The following ANKRD37 variants were observed in gnomAD, a reference collection of about 807,000 sequenced individuals.
The protein encoded by ANKRD37 is ankyrin repeat domain-containing protein 37.
Under a neutral mutation model 19.7 loss-of-function variants are expected in ANKRD37, and 17 were observed. That is an observed-to-expected ratio of 0.86 (90% CI 0.59 to 1.29). The LOEUF is 1.29. Ranked by LOEUF, ANKRD37 falls within the 50% of genes most tolerant of loss-of-function variation. The probability of loss-of-function intolerance (pLI) is 0.00; values close to 1 mark genes in which losing one functional copy is unlikely to be tolerated. For synonymous variants in ANKRD37, 79 were observed against 74.5 expected (o/e 1.06, Z -0.31); for missense variants, 207 against 190.4 (o/e 1.09, Z -0.51).
downstream of ANKRD37, chr4:185,400,517 G>GT: frequency 6.7e-7 from 1 of 1,488,204 alleles, no homozygotes; most frequent in African/African-American, 1.4e-5. Context: ...CTTTTACAAA[G>GT]TTACAAGATT....
At position 185,397,249 on chromosome 4, in the gene ANKRD37, C is replaced by A; in HGVS notation, c.127C>A (p.Leu43Ile). The stretch of plus-strand genomic sequence containing the variant: ...TGTCCACTTAGCCGCAGGAAGCGGC[C>A]TTGCTTGCTTTCTTCTCTGGCAGCT... Reference protein sequence around the residue: ...SPVHLAAGSGLACFLLWQLQT... With the variant: ...SPVHLAAGSGIACFLLWQLQT... The change falls in exon 2 of 5, where the codon CTT becomes ATT. Residue 43 changes from leucine to isoleucine, a missense_variant. Leu to Ile is a conservative substitution (Grantham distance 5). Transcript: ENST00000335174. 6.2e-7 allele frequency: 1 copy of A among 1,614,150 alleles called. No homozygotes were observed. Among genetic ancestry groups the A allele is most frequent in the Non-Finnish European group, 8.5e-7 (1 of 1,180,040 alleles).
At chr4:185,397,047 G>C (rs548345746) in intron 1 of ANKRD37, 97 bp downstream of exon 1, 35 of 1,610,132 alleles carry the variant, frequency 2.2e-5, no homozygotes, top group South Asian at 6.6e-5. Flanking sequence ...ACTGGGCGCT[G>C]CCTGGTCAGA....
chr4:185,399,668 C>T lies in ANKRD37; in HGVS notation c.371C>T (p.Thr124Ile). Residue 124 changes from threonine (T) to isoleucine (I), a missense_variant, in exon 4 of 5, where the codon ACA becomes ATA. Physicochemically the swap from Thr to Ile is moderately conservative, Grantham distance 89. Coordinates refer to ENST00000335174, the MANE Select transcript of ANKRD37 (RefSeq NM_181726.4). ...KFLTTIKCMQ[T>I]IKASEHPDRN... ...CTTACAACAATTAAATGTATGCAGA[C>T]AATAAAAGCAAGTGAACACCCTGAC... 6.2e-7 allele frequency: 1 copy of T among 1,614,096 alleles called. No homozygotes were observed.
intron 1 of ANKRD37, 81 bp downstream of exon 1, chr4:185,397,031 C>G: frequency 1.2e-6 from 2 of 1,609,312 alleles, no homozygotes; most frequent in Non-Finnish European, 1.7e-6. Context: ...AATGCGGGGA[C>G]GGACCACTGG....
intron 2 of ANKRD37, among the ~76,000 whole-genome samples, chr4:185,398,262 A>G (rs773675688): frequency 3.9e-5 from 6 of 152,228 alleles, no homozygotes; most frequent in Admixed American, 6.5e-5. Flanking sequence ...CCAGCCACAC[A>G]TTTTTATTAA....
In ANKRD37 at chr4:185,399,586, G is replaced by C; in HGVS notation, c.289G>C (p.Gly97Arg). The change falls in exon 4 of 5, where the codon GGG (glycine) becomes CGG (arginine). Residue 97 changes from glycine (G) to arginine (R), a missense_variant. Coordinates refer to ENST00000335174, the MANE Select transcript of ANKRD37 (RefSeq NM_181726.4). ...TGTTTTCAGTTTATGTAATAAGAACGGGCAAACAGCTGAAGATCTCGCTTG... is the reference window on the plus strand; with the variant it reads ...TGTTTTCAGTTTATGTAATAAGAACCGGCAAACAGCTGAAGATCTCGCTTG... ...DAQIDLCNKN[G>R]QTAEDLAWSC... 1 of 1,614,070 alleles carries C rather than the reference G, an allele frequency of 6.2e-7. No homozygotes were observed. Among genetic ancestry groups the C allele is most frequent in the Non-Finnish European group, 8.5e-7 (1 of 1,180,000 alleles).
intron 2 of ANKRD37, among the ~76,000 whole-genome samples, chr4:185,397,980 G>A (rs900695884): frequency 6.6e-6 from 1 of 152,132 alleles, no homozygotes; most frequent in Non-Finnish European, 1.5e-5. Context: ...TATTTGAGAC[G>A]GAGTTTTGCT....
Position 185,399,618 on chromosome 4 carries a change from T to A in ANKRD37, c.321T>A (p.Cys107Ter). The A allele has an allele frequency of 6.2e-7, 1 of 1,614,218 alleles. No homozygotes were observed. Among genetic ancestry groups the A allele is most frequent in the Non-Finnish European group, 8.5e-7 (1 of 1,180,028 alleles). The stretch of plus-strand genomic sequence containing the variant: ...CAGCTGAAGATCTCGCTTGGTCATG[T>A]GGATTTCCAGACTGTGCCAAGTTTC... ...GQTAEDLAWSCGFPDCAKFLT... is the reference protein window; with the variant it reads ...GQTAEDLAWS Residue 107 changes from cysteine (C) to a stop codon, truncating the protein, a stop_gained, in exon 4 of 5, where the codon TGT becomes TGA. Transcript: ENST00000335174. LOFTEE classifies it high-confidence loss of function.
intron 2 of ANKRD37, among the ~76,000 whole-genome samples, chr4:185,398,397 T>C (rs987423067): frequency 2.0e-5 from 3 of 152,226 alleles, no homozygotes; most frequent in African/African-American, 7.2e-5. Flanking sequence ...GGAGGAGATT[T>C]TTAGAAGGTT....
At chr4:185,399,950 G>T in intron 4 of ANKRD37, 67 bp from the exon 5 acceptor site, 1 of 1,575,108 alleles carries the variant, frequency 6.3e-7, no homozygotes, top group Non-Finnish European at 8.6e-7. Flanking sequence ...GGACTGCATG[G>T]TGGAAGTTTG....
At position 185,399,757 on chromosome 4, in the gene ANKRD37, G is replaced by A. The variant is rs1561104013; in HGVS notation, c.460G>A (p.Gly154Arg). The A allele has an allele frequency of 6.2e-7, 1 of 1,614,022 alleles. No individual in the cohort carries two copies. The highest frequency in any genetic ancestry group is 1.7e-5 in the Admixed American group (1 of 59,992). ...RSLGSVENTS[G>R]KRKC ...TCTCGGAAGTGTAGAAAATACCAGT[G>A]GGAAAAGGAAGTGCTGGTAAGTAAC... The change falls in exon 4 of 5, where the codon GGG becomes AGG. Residue 154 changes from glycine to arginine, a missense_variant. By Grantham distance (125) the Gly-to-Arg change is moderately radical (BLOSUM62 -2). Coordinates refer to ENST00000335174, the MANE Select transcript of ANKRD37 (RefSeq NM_181726.4).
chr4:185,400,408 C>T (rs544348416), downstream of ANKRD37: 7 of 1,612,790 alleles, frequency 4.3e-6, no homozygotes, highest in Admixed American at 3.3e-5. Context: ...CATATTTGGT[C>T]GCTGAGGAAG....
chr4:185,397,574 G>A, intron 2 of ANKRD37: 1 of 400,300 alleles, frequency 2.5e-6, no homozygotes, highest in South Asian at 3.4e-5. Flanking sequence ...AATGTTATCA[G>A]TTCAATATGT....
Position 185,399,008 on chromosome 4 carries a change from AGCCAGTGAT to A in ANKRD37, c.256_264del (p.Ser86_Ala88del). 1 of 1,613,898 alleles carries A rather than the reference AGCCAGTGAT, an allele frequency of 6.2e-7. No homozygotes were observed. The highest frequency in any genetic ancestry group is 2.2e-5 in the East Asian group (1 of 44,844). On this transcript the variant is annotated inframe_deletion, in exon 3 of 5. Transcript: ENST00000335174. ...GCCTGGAGTGCCTAAGCCTGCTTGTAGCCAGTGATGCCCAAATTGAGTGAGTATGAAAAC... is the reference window on the plus strand; with the variant it reads ...GCCTGGAGTGCCTAAGCCTGCTTGTAGCCCAAATTGAGTGAGTATGAAAAC...
In ANKRD37 at chr4:185,398,997, A is replaced by C; in HGVS notation, c.241A>C (p.Ser81Arg). The C allele has an allele frequency of 6.2e-7, 1 of 1,613,916 alleles. No homozygotes were observed. ...AAAAGTTGGAAGCCTGGAGTGCCTA[A>C]GCCTGCTTGTAGCCAGTGATGCCCA... Reference protein sequence around the residue: ...AAKVGSLECLSLLVASDAQID... With the variant: ...AAKVGSLECLRLLVASDAQID... Residue 81 changes from serine (S) to arginine (R), a missense_variant, in exon 3 of 5, where the codon AGC (serine) becomes CGC (arginine). Transcript: ENST00000335174.
Position 185,399,027 on chromosome 4 carries a change from G to A in ANKRD37, c.271G>A (p.Asp91Asn). Reference protein sequence around the residue: ...SLLVASDAQIDLCNKNGQTAE... With the variant: ...SLLVASDAQINLCNKNGQTAE... ...GCTTGTAGCCAGTGATGCCCAAATT[G>A]AGTGAGTATGAAAACAGTGGCTTCA... Residue 91 changes from aspartate (D) to asparagine (N), a missense_variant and splice_region_variant, in exon 3 of 5, where the codon GAT becomes AAT. Transcript: ENST00000335174. 6.2e-7 allele frequency: 1 copy of A among 1,613,174 alleles called. No individual in the cohort carries two copies. The highest frequency in any genetic ancestry group is 1.3e-5 in the African/African-American group (1 of 75,034).
At position 185,400,232 on chromosome 4, in the gene ANKRD37, G is replaced by A. The variant is rs1204952819; in HGVS notation, c.*215G>A. The A allele has an allele frequency of 1.9e-5, 14 of 720,122 alleles. No homozygotes were observed. The highest frequency in any genetic ancestry group is 1.4e-4 in the South Asian group (7 of 49,766). 44.6% of individuals were successfully genotyped at this position (720,122 alleles called of 1,614,324 possible). A position where few individuals can be genotyped will look rare whatever the true frequency, so the allele number is the denominator to read the frequency against. On this transcript the variant is annotated 3_prime_UTR_variant, in exon 5 of 5. Coordinates refer to ENST00000335174, the MANE Select transcript of ANKRD37 (RefSeq NM_181726.4). Reference sequence around the variant, plus strand: ...TTGTCTTTTAAGTTATTAAAGGAACGTCTAAAAAATACATTCTCCGTGCAG... The same window carrying A: ...TTGTCTTTTAAGTTATTAAAGGAACATCTAAAAAATACATTCTCCGTGCAG...
At position 185,400,103 on chromosome 4, in the gene ANKRD37, G is replaced by T; in HGVS notation, c.*86G>T. The T allele has an allele frequency of 3.2e-6, 4 of 1,266,936 alleles. No homozygotes were observed. The highest frequency in any genetic ancestry group is 1.9e-4 in the Middle Eastern group (1 of 5,264). 78.5% of individuals were successfully genotyped at this position (1,266,936 alleles called of 1,614,324 possible). ...CCTGCTTTTGGCTTTACCATATGTT[G>T]TGTCTAATCTCCTTCTGAGAAGGAC... On this transcript the variant is annotated 3_prime_UTR_variant, in exon 5 of 5. Coordinates refer to ENST00000335174, the MANE Select transcript of ANKRD37 (RefSeq NM_181726.4).
chr4:185,398,667 CA>C (rs2095508962), intron 2 of ANKRD37, among the ~76,000 whole-genome samples: 1 of 151,634 alleles, frequency 6.6e-6, no homozygotes, highest in African/African-American at 2.4e-5. Flanking sequence ...TTATATGTAT[CA>C]AAAACACATG....
Sources: allele counts gnomAD v4.1 joint callset (sites outside exome capture counted in the v4.1 genomes callset), GRCh38; gene constraint gnomAD v4.1.1; transcripts MANE v1.5; gene names NCBI Gene and HGNC (gene_info 2026-07-23, HGNC 2026-07-21).